Variants in NLRP14 observed in about 807,000 individuals in gnomAD.
NLRP14 encodes NLR family pyrin domain containing 14, also known as NACHT, LRR and PYD domains-containing protein 14.
In NLRP14, 105 loss-of-function variants were observed where a neutral mutation model predicts 94.7. The observed-to-expected ratio is 1.11, with a 90% CI of 0.95 to 1.30. The LOEUF (loss-of-function observed/expected upper bound fraction) is 1.30. NLRP14 is among the 50% of genes most tolerant of loss of function. The pLI is 0.00. For synonymous variants in NLRP14, 508 were observed against 459.9 expected (o/e 1.10, Z -1.34); for missense variants, 1,362 against 1,254.1 (o/e 1.09, Z -1.30).
At chr11:7,085,517 T>C in the NLRP14 span, among the ~76,000 whole-genome samples, 1 of 152,210 alleles carries the variant, frequency 6.6e-6, no homozygotes, top group East Asian at 1.9e-4. Flanking sequence ...CCTAGCATAA[T>C]GTCCTTAAGG....
chr11:7,089,082 G>T, the NLRP14 span: 1 of 1,597,306 alleles, frequency 6.3e-7, no homozygotes, highest in Non-Finnish European at 8.5e-7. Flanking sequence ...CCGCCTCACC[G>T]CCTCCCACCG....
chr11:7,089,078 C>T, the NLRP14 span: 1 of 1,593,584 alleles, frequency 6.3e-7, no homozygotes, highest in Non-Finnish European at 8.6e-7. Context: ...GGCGCCGCCT[C>T]ACCGCCTCCC....
chr11:7,047,659 T>C (rs1182931173), intron 5 of NLRP14, among the ~76,000 whole-genome samples: 1 of 152,114 alleles, frequency 6.6e-6, no homozygotes, highest in African/African-American at 2.4e-5. Context: ...ACAATCATTT[T>C]CTAATCTCTG....
intron 10 of NLRP14, 108 bp downstream of exon 10, chr11:7,062,611 G>T (rs923242055): frequency 3.2e-6 from 3 of 939,934 alleles, no homozygotes; most frequent in African/African-American, 3.2e-5. Context: ...GGGCTAGAAG[G>T]TAAGTTACTC....
intron 1 of NLRP14, 109 bp from the exon 2 acceptor site, chr11:7,038,457 T>A (rs1452832546): frequency 2.1e-5 from 19 of 913,032 alleles, no homozygotes; most frequent in Non-Finnish European, 3.0e-5. Context: ...AGTGGGCTTC[T>A]GCAAATGTTT....
At chr11:7,053,283 T>G (rs10769760) in intron 6 of NLRP14, among the ~76,000 whole-genome samples, 91,203 of 151,334 alleles carry the variant, frequency 0.6, 28,435 homozygotes, top group East Asian at 0.86. Flanking sequence ...TTTAAGTTAA[T>G]ATTAGGAATA....
the NLRP14 span, among the ~76,000 whole-genome samples, chr11:7,077,429 A>G: frequency 6.6e-6 from 1 of 152,388 alleles, no homozygotes; most frequent in South Asian, 2.1e-4. Context: ...TCTCCTAAAG[A>G]CAGAAATGGA....
chr11:7,035,231 G>C (rs917079577), intron 1 of NLRP14, among the ~76,000 whole-genome samples: 1 of 152,212 alleles, frequency 6.6e-6, no homozygotes, highest in African/African-American at 2.4e-5. Flanking sequence ...TAAGCCATGA[G>C]AATCGCTTGA....
chr11:7,068,720 G>C (rs1464130878), intron 10 of NLRP14, among the ~76,000 whole-genome samples: 2 of 152,186 alleles, frequency 1.3e-5, no homozygotes, highest in Admixed American at 6.5e-5. Flanking sequence ...GCAGTGATGT[G>C]ATCATAGCTC....
intron 6 of NLRP14, among the ~76,000 whole-genome samples, chr11:7,057,188 A>C (rs1164190580): frequency 6.6e-6 from 1 of 152,012 alleles, no homozygotes; most frequent in African/African-American, 2.4e-5. Context: ...ATTTTGTTTT[A>C]TTTATGATTT....
intron 4 of NLRP14, 33 bp from the exon 5 acceptor site, chr11:7,046,635 A>G: frequency 1.3e-6 from 2 of 1,593,802 alleles, no homozygotes; most frequent in Non-Finnish European, 1.7e-6. Flanking sequence ...TAAAATCAGC[A>G]TTGTTTTTCT....
Position 7,042,994 on chromosome 11 carries a change from A to G in NLRP14, c.968A>G (p.His323Arg), listed in dbSNP as rs1852285075. 2 of 1,614,184 alleles carry G rather than the reference A, an allele frequency of 1.2e-6. No homozygotes were observed. Among genetic ancestry groups the G allele is most frequent in the South Asian group, 2.2e-5 (2 of 91,076 alleles). Residue 323 changes from histidine (H) to arginine (R), a missense_variant, in exon 4 of 12, where the codon CAT becomes CGT. Physicochemically the swap from His to Arg is conservative, Grantham distance 29. Transcript: ENST00000299481. The part of the protein sequence containing the change: ...KRLKQLLKNH[H>R]YVELLGMSED... ...CTAAAGCAGTTGTTGAAGAATCACC[A>G]TTATGTAGAGCTACTAGGAATGTCT...
Position 7,049,750 on chromosome 11 carries a change from G to A in NLRP14, c.2203G>A (p.Asp735Asn), listed in dbSNP as rs771423491. The A allele has an allele frequency of 1.7e-5, 28 of 1,609,704 alleles. No homozygotes were observed. Among genetic ancestry groups the A allele is most frequent in the Non-Finnish European group, 2.3e-5 (27 of 1,176,188 alleles). The change falls in exon 6 of 12, where the codon GAC becomes AAC. Residue 735 changes from aspartate to asparagine, a missense_variant. Coordinates refer to ENST00000299481, the MANE Select transcript of NLRP14 (RefSeq NM_176822.4). ...LIHNKNLMHLDLKGSDIGDNG... is the reference protein window; with the variant it reads ...LIHNKNLMHLNLKGSDIGDNG... Reference sequence around the variant, plus strand: ...TCATAACAAGAATCTGATGCATCTTGACCTAAAAGGGAGTGATATAGGGGA... The same window carrying A: ...TCATAACAAGAATCTGATGCATCTTAACCTAAAAGGGAGTGATATAGGGGA...
At chr11:7,087,373 G>C in the NLRP14 span, among the ~76,000 whole-genome samples, 1 of 152,146 alleles carries the variant, frequency 6.6e-6, no homozygotes, top group African/African-American at 2.4e-5. Context: ...CAGAATTTAA[G>C]AGTAGCTGCC....
chr11:7,075,761 A>G (rs961679558), downstream of NLRP14, among the ~76,000 whole-genome samples: 12 of 152,148 alleles, frequency 7.9e-5, no homozygotes, highest in African/African-American at 2.9e-4. Flanking sequence ...TAATGAACTC[A>G]TTTTTCTTTT....
At position 7,042,406 on chromosome 11, in the gene NLRP14, G is replaced by A. The variant is rs1186069115; in HGVS notation, c.380G>A (p.Arg127Lys). ...EAVLGDGTEY[R>K]NRIKEKFCIT... is the part of the protein sequence containing the mutation. ...GACTTAGGTGATGGAACAGAATACA[G>A]AAATAGAATAAAGGAAAAATTTTGC... Residue 127 changes from arginine (R) to lysine (K), a missense_variant, in exon 4 of 12, where the codon AGA becomes AAA. Physicochemically the swap from Arg to Lys is conservative, Grantham distance 26. Transcript: ENST00000299481. 6.2e-7 allele frequency: 1 copy of A among 1,613,748 alleles called. No homozygotes were observed. The highest frequency in any genetic ancestry group is 8.5e-7 in the Non-Finnish European group (1 of 1,179,900).
rs763031239 is a variant in NLRP14, at chr11:7,043,127, A to G, written c.1101A>G (p.Gln367=). 1.9e-6 allele frequency: 3 copies of G among 1,614,210 alleles called. No homozygotes were observed. The highest frequency in any genetic ancestry group is 1.6e-4 in the Middle Eastern group (1 of 6,062). ...KSNEMLFSMC[Q]VPLVCWAACT... ...ATGAGATGCTGTTTAGCATGTGCCAAGTCCCCCTAGTGTGCTGGGCCGCTT... is the reference window on the plus strand; with the variant it reads ...ATGAGATGCTGTTTAGCATGTGCCAGGTCCCCCTAGTGTGCTGGGCCGCTT... The change falls in exon 4 of 12, where the codon CAA becomes CAG. Residue 367 remains glutamine, a synonymous_variant. Transcript: ENST00000299481.
chr11:7,077,136 T>G, the NLRP14 span, among the ~76,000 whole-genome samples: 14 of 152,192 alleles, frequency 9.2e-5, no homozygotes, highest in African/African-American at 3.4e-4. Flanking sequence ...TACATTTCTT[T>G]AATTGGGTGT....
chr11:7,030,615 T>C (rs959178936), intron 1 of NLRP14, among the ~76,000 whole-genome samples: 14 of 152,040 alleles, frequency 9.2e-5, no homozygotes, highest in Admixed American at 3.3e-4. Context: ...TTTGTGCCCC[T>C]TCAACAGAAT....
Sources: gnomAD v4.1 joint callset for allele counts (sites outside exome capture counted in the v4.1 genomes callset) on GRCh38, gnomAD v4.1.1 for gene constraint, MANE v1.5 for transcripts, NCBI Gene and HGNC (gene_info 2026-07-23, HGNC 2026-07-21) for gene names.